Variants in SHISA9 observed in about 807,000 individuals in gnomAD.
SHISA9 encodes shisa family member 9.
SHISA9 carries 13 observed loss-of-function variants against 38.0 expected under a neutral mutation model. The ratio of observed to expected loss-of-function variants is 0.34; its 90% CI spans 0.22 to 0.54. The LOEUF (loss-of-function observed/expected upper bound fraction) is 0.54. SHISA9 is among the 20% of genes least tolerant of loss of function. The probability of loss-of-function intolerance (pLI) is 0.91; values close to 1 mark genes in which losing one functional copy is unlikely to be tolerated. For missense variants in SHISA9, 538 were observed against 575.8 expected (o/e 0.93, Z 0.67); for synonymous variants, 275 against 242.0 (o/e 1.14, Z -1.27).
chr16:13,359,036 A>G, the SHISA9 span, among the ~76,000 whole-genome samples: 1 of 152,160 alleles, frequency 6.6e-6, no homozygotes, highest in Non-Finnish European at 1.5e-5. Context: ...AAGGTAAAGA[A>G]TTTCTTGATT....
chr16:13,343,829 T>C, the SHISA9 span, among the ~76,000 whole-genome samples: 6 of 152,264 alleles, frequency 3.9e-5, no homozygotes, highest in East Asian at 7.7e-4. Flanking sequence ...AGTAAACATC[T>C]TGAGAAGCTT....
At chr16:13,313,061 C>T in the SHISA9 span, among the ~76,000 whole-genome samples, 39 of 151,122 alleles carry the variant, frequency 2.6e-4, no homozygotes, top group Admixed American at 1.8e-3. Context: ...CGAGACCATC[C>T]CGGCTAAAAC....
At chr16:13,359,327 T>A in the SHISA9 span, among the ~76,000 whole-genome samples, 2 of 151,716 alleles carry the variant, frequency 1.3e-5, no homozygotes, top group African/African-American at 4.8e-5. Flanking sequence ...CTAAAAATAC[T>A]AAAAAAATAG....
At chr16:13,195,764 C>T (rs1403021224) in intron 2 of SHISA9, among the ~76,000 whole-genome samples, 1 of 152,098 alleles carries the variant, frequency 6.6e-6, no homozygotes, top group Non-Finnish European at 1.5e-5. Flanking sequence ...AAACCCATAA[C>T]CCCAATCTAA....
chr16:12,999,371 G>C (rs13336106), intron 2 of SHISA9, among the ~76,000 whole-genome samples: 2 of 152,098 alleles, frequency 1.3e-5, no homozygotes, highest in Non-Finnish European at 1.5e-5. Flanking sequence ...CAATGGGCGC[G>C]TTGTGTGGTT....
chr16:13,133,030 C>G (rs2050319029), intron 2 of SHISA9, among the ~76,000 whole-genome samples: 1 of 152,042 alleles, frequency 6.6e-6, no homozygotes. Flanking sequence ...ATTCAACAAA[C>G]CAAAGACTAC....
At chr16:13,112,123 T>C (rs1359162443) in intron 2 of SHISA9, among the ~76,000 whole-genome samples, 1 of 152,196 alleles carries the variant, frequency 6.6e-6, no homozygotes, top group African/African-American at 2.4e-5. Context: ...TTTTTTTTTG[T>C]TTGTTTTTAA....
rs143765949 is a variant in SHISA9, at chr16:13,111,136, A to G, written c.692-92258A>G. ...TACCATTCAGGACATAGGCATGGGT[A>G]AAGACTTCATGACTAAAACACCAAA... On this transcript the variant is annotated intron_variant, in intron 2 of 4. Transcript: ENST00000558583. Among the ~76,000 whole-genome samples the G allele has an allele frequency of 4.3e-3, 659 of 152,332 alleles. 8 individuals are homozygous for G. The highest frequency in any genetic ancestry group is 0.015 in the African/African-American group (638 of 41,588).
chr16:13,106,786 A>T (rs1308666764), intron 2 of SHISA9, among the ~76,000 whole-genome samples: 3 of 152,348 alleles, frequency 2.0e-5, no homozygotes, highest in Admixed American at 2.0e-4. Context: ...GATGATAAGT[A>T]CAATGAACCA....
chr16:13,336,763 C>A, the SHISA9 span, among the ~76,000 whole-genome samples: 1 of 152,296 alleles, frequency 6.6e-6, no homozygotes, highest in African/African-American at 2.4e-5. Flanking sequence ...ATTCTGCCTG[C>A]ATTGCTTTGT....
At chr16:13,138,667 C>G (rs893281989) in intron 2 of SHISA9, among the ~76,000 whole-genome samples, 2 of 152,210 alleles carry the variant, frequency 1.3e-5, no homozygotes, top group African/African-American at 4.8e-5. Flanking sequence ...GGATGTCTCA[C>G]AAGGGGAGTC....
chr16:12,997,210 A>G (rs575493699), intron 2 of SHISA9, among the ~76,000 whole-genome samples: 1 of 151,850 alleles, frequency 6.6e-6, no homozygotes, highest in South Asian at 2.1e-4. Context: ...TGAACATCCC[A>G]TATCTGGAGT....
chr16:13,399,190 T>C, the SHISA9 span, among the ~76,000 whole-genome samples: 1 of 151,666 alleles, frequency 6.6e-6, no homozygotes, highest in African/African-American at 2.4e-5. Context: ...AGGAGGCAGA[T>C]GCAGTGGGCT....
chr16:13,421,338 A>C, the SHISA9 span, among the ~76,000 whole-genome samples: 2 of 152,230 alleles, frequency 1.3e-5, no homozygotes, highest in African/African-American at 4.8e-5. Flanking sequence ...AATTGGACTT[A>C]CATTTCCACA....
chr16:13,133,062 G>A (rs1272982345), intron 2 of SHISA9, among the ~76,000 whole-genome samples: 1 of 152,144 alleles, frequency 6.6e-6, no homozygotes, highest in African/African-American at 2.4e-5. Flanking sequence ...AAAAAGCAAA[G>A]AGGAATGAGA....
intron 2 of SHISA9, among the ~76,000 whole-genome samples, chr16:13,145,438 A>T (rs1168084141): frequency 6.6e-6 from 1 of 152,142 alleles, no homozygotes; most frequent in Non-Finnish European, 1.5e-5. Context: ...GAGGCAGGAG[A>T]ATTGCTTGAA....
intron 2 of SHISA9, among the ~76,000 whole-genome samples, chr16:12,931,573 A>T (rs1178798943): frequency 6.6e-6 from 1 of 152,186 alleles, no homozygotes; most frequent in East Asian, 1.9e-4. Flanking sequence ...CTTGCTTAGG[A>T]TAATGGCCTC....
chr16:12,986,588 G>A (rs1313313918), intron 2 of SHISA9, among the ~76,000 whole-genome samples: 1 of 152,144 alleles, frequency 6.6e-6, no homozygotes, highest in East Asian at 1.9e-4. Context: ...TATTGGAGGG[G>A]ATGGCTGAAT....
intron 2 of SHISA9, among the ~76,000 whole-genome samples, chr16:13,010,046 T>C (rs2072651433): frequency 6.6e-6 from 1 of 151,878 alleles, no homozygotes; most frequent in African/African-American, 2.4e-5. Context: ...GTTGTGGTGG[T>C]ACACACCTGT....
Sources: gnomAD v4.1 joint callset for allele counts (sites outside exome capture counted in the v4.1 genomes callset) on GRCh38, gnomAD v4.1.1 for gene constraint, MANE v1.5 for transcripts, NCBI Gene and HGNC (gene_info 2026-07-23, HGNC 2026-07-21) for gene names.